The following ATP10A variants were observed in gnomAD, a reference collection of about 807,000 sequenced individuals.
The protein encoded by ATP10A is phospholipid-transporting ATPase VA.
ATP10A carries 111 observed loss-of-function variants against 147.8 expected under a neutral mutation model. The observed-to-expected ratio is 0.75, with a 90% CI of 0.64 to 0.88. ATP10A has a LOEUF of 0.88. ATP10A is among the 40% of genes least tolerant of loss of function. The pLI is 0.00. For synonymous variants in ATP10A, 875 were observed against 841.6 expected (o/e 1.04, Z -0.69); for missense variants, 1,927 against 1,959.0 (o/e 0.98, Z 0.31).
At chr15:25,745,973 A>G (rs1377764717) in intron 2 of ATP10A, among the ~76,000 whole-genome samples, 2 of 152,210 alleles carry the variant, frequency 1.3e-5, no homozygotes, top group Admixed American at 6.5e-5. Flanking sequence ...AGAATACATC[A>G]GGCAGGACAA....
intron 8 of ATP10A, among the ~76,000 whole-genome samples, chr15:25,717,472 C>G (rs1475976905): frequency 1.3e-5 from 2 of 152,208 alleles, no homozygotes; most frequent in Non-Finnish European, 2.9e-5. Context: ...TTGACTCATA[C>G]TGAAAAATGC....
At chr15:25,768,360 A>G (rs1889139268) in intron 2 of ATP10A, among the ~76,000 whole-genome samples, 1 of 152,124 alleles carries the variant, frequency 6.6e-6, no homozygotes. Flanking sequence ...GTTTAAAAGA[A>G]AAGCAGTGCT....
rs778633440 is a variant in ATP10A, at chr15:25,713,828, G to A, written c.2190C>T (p.Gly730=). 2.5e-6 allele frequency: 4 copies of A among 1,613,922 alleles called. No homozygotes were observed. The highest frequency in any genetic ancestry group is 1.3e-5 in the African/African-American group (1 of 74,950). The change falls in exon 10 of 21, where the codon GGC becomes GGT. Residue 730 remains glycine, a synonymous_variant. Transcript: ENST00000555815. Reference sequence around the variant, plus strand: ...TGTGCAGGAGCTCGAAGGTGAGCCTGCCCAGGTGGGGCAGCTCCACTGACA... The same window carrying A: ...TGTGCAGGAGCTCGAAGGTGAGCCTACCCAGGTGGGGCAGCTCCACTGACA... The part of the protein sequence containing the change: ...DQVSVELPHL[G]RLTFELLHTL...
intron 14 of ATP10A, among the ~76,000 whole-genome samples, chr15:25,693,562 C>T (rs186253149): frequency 1.4e-4 from 22 of 152,136 alleles, no homozygotes; most frequent in African/African-American, 2.9e-4. Flanking sequence ...AGGACGCTGA[C>T]GCTCAGAGGA....
At chr15:25,771,702 C>T (rs1160235927) in intron 2 of ATP10A, among the ~76,000 whole-genome samples, 1 of 151,986 alleles carries the variant, frequency 6.6e-6, no homozygotes, top group Non-Finnish European at 1.5e-5. Context: ...TTCCTGTGTG[C>T]CTCCTCCTCC....
rs532074841 is a variant in ATP10A, at chr15:25,784,153, G to A, written c.450-2930C>T. On this transcript the variant is annotated intron_variant, in intron 1 of 20. Coordinates refer to ENST00000555815, the MANE Select transcript of ATP10A (RefSeq NM_024490.4). ...TCTGCTGGGCTCCTGCAGAGGACAC[G>A]AAGCCATTTGAAAGGGCCTGTCCCT... 3.3e-5 allele frequency among the ~76,000 whole-genome samples: 5 copies of A among 152,296 alleles called. No individual in the cohort carries two copies. In the East Asian group the frequency reaches 7.7e-4, roughly 24 times the overall value.
At chr15:25,783,850 C>G (rs1294985834) in intron 1 of ATP10A, among the ~76,000 whole-genome samples, 4 of 152,186 alleles carry the variant, frequency 2.6e-5, no homozygotes, top group Non-Finnish European at 5.9e-5. Context: ...CCATGTGGTC[C>G]CAGCATGGTC....
intron 9 of ATP10A, 65 bp from the exon 10 acceptor site, chr15:25,714,306 G>T: frequency 6.7e-7 from 1 of 1,485,312 alleles, no homozygotes; most frequent in Non-Finnish European, 9.2e-7. Flanking sequence ...CCCCACCCTG[G>T]TTCCCACAGG....
At chr15:25,855,471 A>G (rs1893470965) in intron 1 of ATP10A, among the ~76,000 whole-genome samples, 1 of 151,950 alleles carries the variant, frequency 6.6e-6, no homozygotes, top group Non-Finnish European at 1.5e-5. Flanking sequence ...GTAGGAACAA[A>G]AGGGAAATTC....
At chr15:25,758,781 A>ACTCATTCCGATCACCTGCTCCACC (rs1888578515) in intron 2 of ATP10A, among the ~76,000 whole-genome samples, 3 of 43,506 alleles carry the variant, frequency 6.9e-5, no homozygotes, top group Non-Finnish European at 1.5e-4. Context: ...CTCCACCCTA[A>ACTCATTCCGATCACCTGCTCCACC]CTCATTCCGA....
chr15:25,849,359 A>G (rs1209931662), intron 1 of ATP10A, among the ~76,000 whole-genome samples: 1 of 152,198 alleles, frequency 6.6e-6, no homozygotes, highest in East Asian at 1.9e-4. Flanking sequence ...AAGGCTCCAG[A>G]TGTCAAAGCA....
intron 11 of ATP10A, 27 bp downstream of exon 11, chr15:25,708,170 C>T (rs766468081): frequency 1.9e-6 from 3 of 1,613,916 alleles, no homozygotes; most frequent in South Asian, 2.2e-5. Flanking sequence ...CCTGCACGTG[C>T]ACCCTCGCGG....
At chr15:25,824,669 CAG>C (rs1892042763) in intron 1 of ATP10A, among the ~76,000 whole-genome samples, 1 of 151,514 alleles carries the variant, frequency 6.6e-6, no homozygotes, top group Non-Finnish European at 1.5e-5. Context: ...TTCATAAAAG[CAG>C]TGAGAGAGAA....
Position 25,827,560 on chromosome 15 carries a change from A to C in ATP10A, c.449+35088T>G, listed in dbSNP as rs145612671. ...ACAAAGTTTTCATGGCACTGTAATT[A>C]AGGTGGTATTAATCTGACCTACATT... On this transcript the variant is annotated intron_variant, in intron 1 of 20. Coordinates refer to ENST00000555815, the MANE Select transcript of ATP10A (RefSeq NM_024490.4). Among the ~76,000 whole-genome samples, 1,124 of 152,356 alleles carry C rather than the reference A, an allele frequency of 7.4e-3. 9 individuals are homozygous for C. The highest frequency in any genetic ancestry group is 0.024 in the African/African-American group (1,015 of 41,580).
chr15:25,753,281 C>T (rs931109523), intron 2 of ATP10A, among the ~76,000 whole-genome samples: 1 of 152,170 alleles, frequency 6.6e-6, no homozygotes, highest in Admixed American at 6.5e-5. Context: ...AACCACAGTT[C>T]ACTCTCAGCT....
At chr15:25,715,877 A>G (rs1230864115) in intron 9 of ATP10A, among the ~76,000 whole-genome samples, 1 of 151,980 alleles carries the variant, frequency 6.6e-6, no homozygotes, top group Non-Finnish European at 1.5e-5. Context: ...ACACACACCT[A>G]CCCCATTCAA....
chr15:25,754,335 T>A (rs889594419), intron 2 of ATP10A, among the ~76,000 whole-genome samples: 1 of 152,106 alleles, frequency 6.6e-6, no homozygotes, highest in Non-Finnish European at 1.5e-5. Flanking sequence ...GAGGTTTCAC[T>A]GTGTTGGCCA....
rs191298707 is a variant in ATP10A, at chr15:25,787,807, G to T, written c.450-6584C>A. ...CCAAGATCAGGAGTCACCAAACTGT[G>T]TTTTTTTTGCTACAAACTGGGAAGT... On this transcript the variant is annotated intron_variant, in intron 1 of 20. Coordinates refer to ENST00000555815, the MANE Select transcript of ATP10A (RefSeq NM_024490.4). Among the ~76,000 whole-genome samples, 79 of 151,770 alleles carry T rather than the reference G, an allele frequency of 5.2e-4. No homozygotes were observed. The East Asian group carries it at 0.014, about 27-fold the overall frequency.
intron 2 of ATP10A, among the ~76,000 whole-genome samples, chr15:25,764,263 G>A (rs1004587570): frequency 9.2e-5 from 14 of 152,188 alleles, no homozygotes; most frequent in African/African-American, 3.1e-4. Flanking sequence ...AAGGTGCACC[G>A]TGCAGCGCGG....
Sources: allele counts gnomAD v4.1 joint callset (sites outside exome capture counted in the v4.1 genomes callset), GRCh38; gene constraint gnomAD v4.1.1; transcripts MANE v1.5; gene names NCBI Gene and HGNC (gene_info 2026-07-23, HGNC 2026-07-21).